Variants in FAM193B observed in about 807,000 individuals in gnomAD.
FAM193B encodes protein FAM193B.
In FAM193B, 27 loss-of-function variants were observed where a neutral mutation model predicts 70.7. That is an observed-to-expected ratio of 0.38 (90% CI 0.28 to 0.53). The LOEUF (loss-of-function observed/expected upper bound fraction) is 0.53. FAM193B is among the 20% of genes least tolerant of loss of function. FAM193B has a pLI of 0.81. For missense variants in FAM193B, 1,022 were observed against 1,072.5 expected, an observed-to-expected ratio of 0.95 and a Z score of 0.66; for synonymous variants, 448 against 436.0, an observed-to-expected ratio of 1.03 and a Z score of -0.34.
At chr5:177,537,620 T>C (rs900242046) in intron 3 of FAM193B, among the ~76,000 whole-genome samples, 2 of 152,214 alleles carry the variant, frequency 1.3e-5, no homozygotes, top group African/African-American at 4.8e-5. Flanking sequence ...CTTGATCCAA[T>C]GTGAACTACC....
chr5:177,551,816 G>A (rs1361778076), intron 1 of FAM193B, among the ~76,000 whole-genome samples: 2 of 152,204 alleles, frequency 1.3e-5, no homozygotes, highest in Admixed American at 1.3e-4. Context: ...AGGGTTATGA[G>A]TGGCAATGGG....
At chr5:177,546,760 C>G (rs1765478311) in intron 1 of FAM193B, among the ~76,000 whole-genome samples, 1 of 152,230 alleles carries the variant, frequency 6.6e-6, no homozygotes, top group Non-Finnish European at 1.5e-5. Context: ...AGTGGAGAAT[C>G]CTTTCTGGTT....
In FAM193B at chr5:177,554,392, G is replaced by A. The variant is rs1214537858; in HGVS notation, c.67C>T (p.Pro23Ser). The stretch of plus-strand genomic sequence containing the variant: ...GGCTCGGGCGCCTGGGGCTTCTGCG[G>A]CCCCGCGGCCCGAGCCCGCTCGCGC... ...GRRERARAAG[P>S]QKPQAPEPPP... Residue 23 changes from proline (P) to serine (S), a missense_variant, in exon 1 of 9, where the codon CCG becomes TCG. Physicochemically the swap from Pro to Ser is moderately conservative, Grantham distance 74. Transcript: ENST00000514747. 4 of 1,169,462 alleles carry A rather than the reference G, an allele frequency of 3.4e-6. No homozygotes were observed. In the African/African-American group the frequency reaches 4.9e-5, roughly 14 times the overall value. 72.4% of individuals were successfully genotyped at this position (1,169,462 alleles called of 1,614,324 possible). A position where few individuals can be genotyped will look rare whatever the true frequency, so the allele number is the denominator to read the frequency against.
At chr5:177,536,893 G>A (rs1764243261) in intron 3 of FAM193B, 148 bp from the exon 4 acceptor site, 5 of 1,132,840 alleles carry the variant, frequency 4.4e-6, no homozygotes, top group Middle Eastern at 2.8e-4. Flanking sequence ...AGAAGATTCT[G>A]TGTGGGCAGC....
intron 7 of FAM193B, chr5:177,523,362 GT>G: frequency 2.5e-5 from 6 of 241,136 alleles, no homozygotes; most frequent in South Asian, 1.2e-4. Context: ...TTTGTGTTTT[GT>G]TTTTTTTCCT....
chr5:177,546,959 C>T (rs147734533), intron 1 of FAM193B, among the ~76,000 whole-genome samples: 80 of 152,334 alleles, frequency 5.3e-4, no homozygotes, highest in African/African-American at 1.8e-3. Context: ...CTACTCTAAC[C>T]CCAGCACACG....
In FAM193B at chr5:177,538,810, C is replaced by A; in HGVS notation, c.453+95G>T. 6.6e-7 allele frequency: 1 copy of A among 1,509,300 alleles called. No individual in the cohort carries two copies. The allele number at this position is 1,509,300 out of a possible 1,614,324, so 93.5% of individuals were successfully genotyped here. ...GTCTCTCAGTGCCTGGGCATGGGAG[C>A]TGCCCAAGGAGAGCCACCTGAGGAC... On this transcript the variant is annotated intron_variant, in intron 2 of 8. Transcript: ENST00000514747. This position sits in a 1 kb window ranked among gnomAD's most constrained non-coding sequence, Gnocchi z 4.1.
chr5:177,520,686 C>T (rs774173970), intron 8 of FAM193B, among the ~76,000 whole-genome samples: 3 of 152,182 alleles, frequency 2.0e-5, no homozygotes, highest in Admixed American at 1.3e-4. Flanking sequence ...GGAGGAAATG[C>T]GATCTCTTTT....
rs1764704450 is a variant in FAM193B at position 177,540,320 on chromosome 5, A to G, written c.211-1173T>C. ...AGACTCCGTCTCAAAAAAAAAAAAA[A>G]AAAAAGAAAAACAAATATAAGTCTG... On this transcript the variant is annotated intron_variant, in intron 1 of 8. Coordinates refer to ENST00000514747, the MANE Select transcript of FAM193B (RefSeq NM_001190946.3). Among the ~76,000 whole-genome samples, 4 of 152,152 alleles carry G rather than the reference A, an allele frequency of 2.6e-5. No homozygotes were observed. In the South Asian group the frequency reaches 8.3e-4, roughly 32 times the overall value.
At chr5:177,522,284 A>T in intron 7 of FAM193B, 1 of 505,382 alleles carries the variant, frequency 2.0e-6, no homozygotes, top group Non-Finnish European at 3.6e-6. Flanking sequence ...AGACAGTGAA[A>T]CTGCCTTGGG....
intron 5 of FAM193B, among the ~76,000 whole-genome samples, chr5:177,528,875 T>C (rs1205203555): frequency 6.6e-6 from 1 of 152,156 alleles, no homozygotes; most frequent in Admixed American, 6.5e-5. Context: ...CATGTGCTTT[T>C]CTTGAGCTGT....
intron 5 of FAM193B, chr5:177,531,791 T>C: frequency 1.1e-6 from 1 of 884,342 alleles, no homozygotes; most frequent in African/African-American, 1.8e-5. Context: ...ACTGGGAAGC[T>C]GTATGACCTT....
intron 1 of FAM193B, among the ~76,000 whole-genome samples, chr5:177,551,878 C>T (rs920842379): frequency 1.3e-5 from 2 of 152,202 alleles, no homozygotes; most frequent in Non-Finnish European, 2.9e-5. Context: ...ATGACTGAAC[C>T]CTACCCTTAC....
intron 1 of FAM193B, chr5:177,552,005 T>A (rs1228944743): frequency 2.1e-6 from 2 of 970,754 alleles, no homozygotes; most frequent in Admixed American, 6.2e-5. Flanking sequence ...GGCTATAGTT[T>A]AAAAAAAAAT....
At chr5:177,549,680 T>C (rs1308037091) in intron 1 of FAM193B, among the ~76,000 whole-genome samples, 2 of 152,264 alleles carry the variant, frequency 1.3e-5, no homozygotes, top group Non-Finnish European at 2.9e-5. Flanking sequence ...GGACTATGTC[T>C]GATTCACTTC....
At position 177,537,884 on chromosome 5, in the gene FAM193B, G is replaced by C. The variant is rs574022480; in HGVS notation, c.677C>G (p.Pro226Arg). The change falls in exon 3 of 9, where the codon CCT (proline) becomes CGT (arginine). Residue 226 changes from proline (P) to arginine (R), a missense_variant. Physicochemically the swap from Pro to Arg is moderately radical, Grantham distance 103 (BLOSUM62 -2). Transcript: ENST00000514747. ...AMPGSSLGSP[P>R]TIPGEAFPVS... ...GCCTGGAGACTCACCGGGGATGGTA[G>C]GAGGACTCCCAAGAGAGCTGCCTGG... 1.2e-6 allele frequency: 2 copies of C among 1,608,078 alleles called. No homozygotes were observed. Among genetic ancestry groups the C allele is most frequent in the South Asian group, 1.1e-5 (1 of 89,736 alleles).
chr5:177,547,080 G>GAGCCTCAATTTCC (rs1414215024), intron 1 of FAM193B: 1 of 152,116 alleles, frequency 6.6e-6, no homozygotes, highest in Admixed American at 6.5e-5. Flanking sequence ...CAATTTCTTT[G>GAGCCTCAATTTCC]AGCCTCAATT....
rs533357191 is a variant in FAM193B, at chr5:177,524,390, C to G, written c.2091G>C (p.Arg697=). 103 of 1,565,916 alleles carry G rather than the reference C, an allele frequency of 6.6e-5. No homozygotes were observed. The highest frequency in any genetic ancestry group is 2.7e-4 in the Admixed American group (14 of 52,146). Residue 697 remains arginine (R), a synonymous_variant, in exon 6 of 9, where the codon CGG becomes CGC. Coordinates refer to ENST00000514747, the MANE Select transcript of FAM193B (RefSeq NM_001190946.3). ...GACTGCCAGCCCAACCTGGTCCTGGCCGGCTCCCCCGGCTCCCCTCTCCAG... is the reference window on the plus strand; with the variant it reads ...GACTGCCAGCCCAACCTGGTCCTGGGCGGCTCCCCCGGCTCCCCTCTCCAG... ...AEAGEGSRGS[R]PGPGWAGSPK... is the part of the protein sequence containing the mutation.
At position 177,553,666 on chromosome 5, in the gene FAM193B, G is replaced by A. The variant is rs1043354770; in HGVS notation, c.210+583C>T. The A allele has an allele frequency of 3.1e-6, 4 of 1,283,356 alleles. No individual in the cohort carries two copies. The East Asian group carries it at 2.2e-4, about 72-fold the overall frequency. 79.5% of individuals were successfully genotyped at this position (1,283,356 alleles called of 1,614,324 possible). On this transcript the variant is annotated intron_variant, in intron 1 of 8. Transcript: ENST00000514747. Reference sequence around the variant, plus strand: ...AGGGGAGGGAAGAAGGGCAGGTTCTGCTGGGTTTCCACCTCAGTGCAGAAA... The same window carrying A: ...AGGGGAGGGAAGAAGGGCAGGTTCTACTGGGTTTCCACCTCAGTGCAGAAA...
Sources: allele counts gnomAD v4.1 joint callset (sites outside exome capture counted in the v4.1 genomes callset), GRCh38; gene constraint gnomAD v4.1.1; non-coding constraint Gnocchi (gnomAD v3.1); transcripts MANE v1.5; gene names NCBI Gene and HGNC (gene_info 2026-07-23, HGNC 2026-07-21).